The following ESYT2 variants were observed in gnomAD, a reference collection of about 807,000 sequenced individuals.
ESYT2 encodes extended synaptotagmin 2.
Under a neutral mutation model 107.2 loss-of-function variants are expected in ESYT2, and 54 were observed. The observed-to-expected ratio is 0.50, with a 90% CI of 0.40 to 0.63. The LOEUF is 0.63. Among genes scored for constraint, ESYT2 ranks in the 30% least tolerant of loss-of-function variants. The pLI is 0.00. For missense variants in ESYT2, 1,020 were observed against 1,094.5 expected (o/e 0.93, Z 0.96); for synonymous variants, 491 against 434.1 (o/e 1.13, Z -1.63).
At position 158,735,557 on chromosome 7, in the gene ESYT2, A is replaced by C. The variant is rs759414807; in HGVS notation, c.2451T>G (p.Val817=). 6 of 1,614,052 alleles carry C rather than the reference A, an allele frequency of 3.7e-6. No homozygotes were observed. The highest frequency in any genetic ancestry group is 1.6e-4 in the Middle Eastern group (1 of 6,084). The part of the protein sequence containing the change: ...LPEVQRRTLD[V]AVKNSGGFLS... ...GGAAGCCGCCACTGTTCTTCACGGC[A>C]ACGTCGAGCGTTCTCCTCTGCACTT... Residue 817 remains valine (V), a synonymous_variant, in exon 21 of 23, where the codon GTT becomes GTG. Coordinates refer to ENST00000275418, the MANE Select transcript of ESYT2 (RefSeq NM_001367773.1).
intron 4 of ESYT2, among the ~76,000 whole-genome samples, chr7:158,792,245 T>TA (rs748813412): frequency 6.6e-6 from 1 of 150,758 alleles, no homozygotes; most frequent in African/African-American, 2.4e-5. Flanking sequence ...TTCCTTCCCC[T>TA]GGGTGCAGTC....
Position 158,748,814 on chromosome 7 carries a change from G to A in ESYT2, c.1558-534C>T, listed in dbSNP as rs1180433565. Among the ~76,000 whole-genome samples, 3 of 151,916 alleles carry A rather than the reference G, an allele frequency of 2.0e-5. No individual in the cohort carries two copies. In the East Asian group the frequency reaches 5.8e-4, roughly 29 times the overall value. On this transcript the variant is annotated intron_variant, in intron 15 of 22. Coordinates refer to ENST00000275418, the MANE Select transcript of ESYT2 (RefSeq NM_001367773.1). ...AGCTCACTGCAACCTCCACCTTCCG[G>A]GTTCAAGCAATTCCCCTGCTGCAGC...
intron 7 of ESYT2, among the ~76,000 whole-genome samples, chr7:158,772,774 G>A (rs904240959): frequency 1.6e-4 from 24 of 151,828 alleles, no homozygotes; most frequent in African/African-American, 5.3e-4. Context: ...AATAATGAAG[G>A]GACTCCCAGT....
intron 21 of ESYT2, among the ~76,000 whole-genome samples, chr7:158,734,931 AC>A (rs1377393276): frequency 6.6e-6 from 1 of 151,958 alleles, no homozygotes; most frequent in Non-Finnish European, 1.5e-5. Context: ...AATCTTTTCT[AC>A]CCCCCTGAGC....
intron 1 of ESYT2, among the ~76,000 whole-genome samples, chr7:158,822,809 T>TA (rs946605448): frequency 1.3e-5 from 2 of 152,022 alleles, no homozygotes; most frequent in Admixed American, 1.3e-4. Flanking sequence ...AGGTTTAAGT[T>TA]AAAAATATTT....
chr7:158,792,756 A>G (rs1178155628), intron 4 of ESYT2, among the ~76,000 whole-genome samples: 2 of 146,724 alleles, frequency 1.4e-5, no homozygotes, highest in Non-Finnish European at 3.0e-5. Context: ...CACTGAGTAT[A>G]ACGTGGGGTT....
chr7:158,735,686 C>CATGA, intron 20 of ESYT2, 78 bp from the exon 21 acceptor site: 2 of 1,167,956 alleles, frequency 1.7e-6, no homozygotes, highest in South Asian at 2.5e-5. Context: ...CATTTCTGCT[C>CATGA]ATGAGATCAT....
In ESYT2 at chr7:158,781,647, G is replaced by GA. The variant is rs75164039; in HGVS notation, c.747+6356dup. ...AGTGTGAGAACAAAGTGAGGTGTGT[G>GA]AAAGAACAAGTGAGAACAAGTGTGA... On this transcript the variant is annotated intron_variant, in intron 6 of 22. Transcript: ENST00000275418. Among the ~76,000 whole-genome samples the GA allele has an allele frequency of 5.3e-3, 795 of 150,762 alleles. 43 individuals are homozygous for GA. The East Asian group carries it at 0.12, about 22-fold the overall frequency.
In ESYT2 at chr7:158,782,033, AAGAACG is replaced by A. The variant is rs1373526126; in HGVS notation, c.747+5965_747+5970del. On this transcript the variant is annotated intron_variant, in intron 6 of 22. Coordinates refer to ENST00000275418, the MANE Select transcript of ESYT2 (RefSeq NM_001367773.1). ...TGTGAACAAAGTGAGGTGTAAGTGCAAGAACGAGAACAAGTGTGAGTGAACGTGTGA... is the reference window on the plus strand; with the variant it reads ...TGTGAACAAAGTGAGGTGTAAGTGCAAGAACAAGTGTGAGTGAACGTGTGA... Among the ~76,000 whole-genome samples the A allele has an allele frequency of 2.7e-5, 4 of 150,754 alleles. No homozygotes were observed. The East Asian group carries it at 5.9e-4, about 22-fold the overall frequency.
At chr7:158,764,023 G>A (rs556656646) in intron 9 of ESYT2, among the ~76,000 whole-genome samples, 77 of 152,212 alleles carry the variant, frequency 5.1e-4, no homozygotes, top group Non-Finnish European at 5.3e-4. Flanking sequence ...AAAAACTGGT[G>A]GAGTATAAAT....
At chr7:158,752,932 G>A (rs904807978) in intron 13 of ESYT2, 89 bp from the exon 14 acceptor site, 1 of 851,984 alleles carries the variant, frequency 1.2e-6, no homozygotes, top group Non-Finnish European at 1.6e-6. Flanking sequence ...AAATTTATGG[G>A]AATAAACAAA....
rs201667253 is a variant in ESYT2, at chr7:158,777,027, A to ATTT, written c.748-3634_748-3632dup. Among the ~76,000 whole-genome samples, 707 of 144,398 alleles carry ATTT rather than the reference A, an allele frequency of 4.9e-3. 9 individuals carry two copies. Among genetic ancestry groups the ATTT allele is most frequent in the African/African-American group, 0.016 (638 of 39,090 alleles). The allele number at this position is 144,398 out of a possible 152,430, so 94.7% of individuals were successfully genotyped here. A position where few individuals can be genotyped will look rare whatever the true frequency, so the allele number is the denominator to read the frequency against. ...ACTACTACGCCCAGCTAATTTTTGTATTTTTTTTTTTTTTAAGTAGAGAGG... is the reference window on the plus strand; with the variant it reads ...ACTACTACGCCCAGCTAATTTTTGTATTTTTTTTTTTTTTTTTAAGTAGAGAGG... On this transcript the variant is annotated intron_variant, in intron 6 of 22. Coordinates refer to ENST00000275418, the MANE Select transcript of ESYT2 (RefSeq NM_001367773.1).
At chr7:158,739,001 C>T (rs7804970) in intron 19 of ESYT2, 22 bp downstream of exon 19, 308,192 of 1,609,248 alleles carry the variant, frequency 0.19, 34,985 homozygotes, top group East Asian at 0.56. Context: ...CAGCAGCGGG[C>T]GCGTGGGACC....
At chr7:158,785,463 A>C (rs547227496) in intron 6 of ESYT2, among the ~76,000 whole-genome samples, 3,638 of 150,154 alleles carry the variant, frequency 0.024, 141 homozygotes, top group African/African-American at 0.087. Context: ...ATAAATAAAT[A>C]AATAAATAAA....
chr7:158,750,878 G>T (rs1837563161), intron 14 of ESYT2, among the ~76,000 whole-genome samples: 1 of 152,198 alleles, frequency 6.6e-6, no homozygotes, highest in Non-Finnish European at 1.5e-5. Context: ...TCGGGCTGGA[G>T]CCACAGGTAG....
In ESYT2 at chr7:158,759,468, T is replaced by C; in HGVS notation, c.1419+18A>G. ...CTAGGAAATACGCACCCACAGGTGT[T>C]ACCACTGTGTTACCTACCGGAAGGT... is the stretch of plus-strand genomic sequence containing the variant. On this transcript the variant is annotated intron_variant, in intron 13 of 22. Transcript: ENST00000275418. 1 of 1,594,432 alleles carries C rather than the reference T, an allele frequency of 6.3e-7. No individual in the cohort carries two copies. The highest frequency in any genetic ancestry group is 8.6e-7 in the Non-Finnish European group (1 of 1,164,032).
intron 16 of ESYT2, 121 bp from the exon 17 acceptor site, chr7:158,743,799 G>A (rs890059779): frequency 3.4e-6 from 4 of 1,163,784 alleles, no homozygotes; most frequent in Non-Finnish European, 4.6e-6. Flanking sequence ...TGTAGAAAGG[G>A]GCCAGGTGGG....
chr7:158,811,206 T>C lies in ESYT2; in HGVS notation c.331-12134A>G, dbSNP rs150575874. On this transcript the variant is annotated intron_variant, in intron 1 of 22. Coordinates refer to ENST00000275418, the MANE Select transcript of ESYT2 (RefSeq NM_001367773.1). The stretch of plus-strand genomic sequence containing the variant: ...AAAATTAAGAAAAAAGAAATGAATA[T>C]CTCAATCTATAAAACACATACTGCT... 2.5e-3 allele frequency among the ~76,000 whole-genome samples: 385 copies of C among 152,202 alleles called. 4 individuals are homozygous for C. Among genetic ancestry groups the C allele is most frequent in the African/African-American group, 8.6e-3 (358 of 41,526 alleles).
chr7:158,767,498 G>C (rs3750057), intron 8 of ESYT2, among the ~76,000 whole-genome samples, 156 bp downstream of exon 8: 1 of 152,196 alleles, frequency 6.6e-6, no homozygotes, highest in Non-Finnish European at 1.5e-5. Flanking sequence ...GTCTCTTAAG[G>C]AAAGTGACGG....
Sources: allele counts gnomAD v4.1 joint callset (sites outside exome capture counted in the v4.1 genomes callset), GRCh38; gene constraint gnomAD v4.1.1; transcripts MANE v1.5; gene names NCBI Gene and HGNC (gene_info 2026-07-23, HGNC 2026-07-21).